LPGAT1: variants seen among roughly 807,000 people sequenced by gnomAD.
LPGAT1 encodes acyl-CoA:lysophosphatidylglycerol acyltransferase 1.
In LPGAT1, 11 loss-of-function variants were observed where a neutral mutation model predicts 47.5. That is an observed-to-expected ratio of 0.23 (90% CI 0.15 to 0.38). LPGAT1 has a LOEUF of 0.38. LPGAT1 is among the 10% of genes least tolerant of loss of function. The probability of loss-of-function intolerance (pLI) is 1.00; values close to 1 mark genes in which losing one functional copy is unlikely to be tolerated. For missense variants in LPGAT1, 293 were observed against 439.0 expected, an observed-to-expected ratio of 0.67 and a Z score of 2.97; for synonymous variants, 138 against 144.2, an observed-to-expected ratio of 0.96 and a Z score of 0.31.
intron 2 of LPGAT1, among the ~76,000 whole-genome samples, chr1:211,814,732 T>A (rs1660110526): frequency 6.6e-6 from 1 of 152,128 alleles, no homozygotes; most frequent in Non-Finnish European, 1.5e-5. Flanking sequence ...CCCTCCAGTA[T>A]CACCCTCTAC....
At position 211,793,087 on chromosome 1, in the gene LPGAT1, G is replaced by C; in HGVS notation, c.342C>G (p.Leu114=). Residue 114 remains leucine, a synonymous_variant, in exon 3 of 8, where the codon CTC becomes CTG. Coordinates refer to ENST00000366997, the MANE Select transcript of LPGAT1 (RefSeq NM_014873.3). ...GGTAGCTTACCAGTCCTTTGTCCTG[G>C]AGGCACATCATCAGTGTGCACACAT... is the stretch of plus-strand genomic sequence containing the variant. ...TGDVCTLMMC[L]QDKGLVVAQM... 6.3e-7 allele frequency: 1 copy of C among 1,594,192 alleles called. No homozygotes were observed. Among genetic ancestry groups the C allele is most frequent in the Middle Eastern group, 1.7e-4 (1 of 6,012 alleles).
chr1:211,803,294 G>T (rs948503999), intron 2 of LPGAT1, among the ~76,000 whole-genome samples: 3 of 152,138 alleles, frequency 2.0e-5, no homozygotes, highest in African/African-American at 7.2e-5. Context: ...AACCAAGAAA[G>T]AGAAAGACAT....
Position 211,747,466 on chromosome 1 carries a change from A to G in LPGAT1, c.*2433T>C, listed in dbSNP as rs1656988970. 1 of 152,246 alleles carries G rather than the reference A, an allele frequency of 6.6e-6. No homozygotes were observed. The highest frequency in any genetic ancestry group is 2.1e-4 in the South Asian group (1 of 4,836). The allele number at this position is 152,246 out of a possible 1,614,324, so 9.4% of individuals were successfully genotyped here. A position where few individuals can be genotyped will look rare whatever the true frequency, so the allele number is the denominator to read the frequency against. ...CATCTTATAGAATAGTTTAATGTGT[A>G]CAGTATATTTAACAATATCATGTTC... On this transcript the variant is annotated 3_prime_UTR_variant, in exon 8 of 8. Coordinates refer to ENST00000366997, the MANE Select transcript of LPGAT1 (RefSeq NM_014873.3).
rs58672865 is a variant in LPGAT1 at position 211,800,035 on chromosome 1, T to TTTATTATTATTA, written c.239-6857_239-6846dup. 8.0e-4 allele frequency among the ~76,000 whole-genome samples: 121 copies of TTTATTATTATTA among 150,968 alleles called. 1 individual carries two copies. Among genetic ancestry groups the TTTATTATTATTA allele is most frequent in the African/African-American group, 2.8e-3 (114 of 41,328 alleles). On this transcript the variant is annotated intron_variant, in intron 2 of 7. Transcript: ENST00000366997. ...TTTCTTCTTCTTACTACTACCATTCTTTATTATTATTATTATTGAGACAGA... is the reference window on the plus strand; with the variant it reads ...TTTCTTCTTCTTACTACTACCATTCTTTATTATTATTATTATTATTATTATTATTGAGACAGA...
chr1:211,795,702 A>G (rs1235911862), intron 2 of LPGAT1, among the ~76,000 whole-genome samples: 1 of 152,038 alleles, frequency 6.6e-6, no homozygotes, highest in Non-Finnish European at 1.5e-5. Context: ...GAATATACTA[A>G]CCAAATGAAA....
chr1:211,820,757 A>C (rs1660342943), intron 2 of LPGAT1, among the ~76,000 whole-genome samples: 1 of 152,142 alleles, frequency 6.6e-6, no homozygotes. Context: ...AAAAAGGAAA[A>C]CCAAAACAAT....
At chr1:211,795,338 T>C (rs1203979851) in intron 2 of LPGAT1, among the ~76,000 whole-genome samples, 1 of 152,160 alleles carries the variant, frequency 6.6e-6, no homozygotes, top group African/African-American at 2.4e-5. Context: ...AATAGGATGA[T>C]GGATGCCACT....
At chr1:211,770,533 C>G (rs377412369) in intron 6 of LPGAT1, among the ~76,000 whole-genome samples, 2 of 152,156 alleles carry the variant, frequency 1.3e-5, no homozygotes, top group African/African-American at 4.8e-5. Context: ...CAGTCAACGA[C>G]GGACTGCATA....
intron 1 of LPGAT1, chr1:211,829,901 AG>A (rs1660668292): frequency 1.0e-6 from 1 of 984,822 alleles, no homozygotes; most frequent in Non-Finnish European, 1.2e-6. Context: ...TGGGGGGCCT[AG>A]AAAAAAAGCT....
At chr1:211,805,294 A>G (rs1659712856) in intron 2 of LPGAT1, among the ~76,000 whole-genome samples, 1 of 152,178 alleles carries the variant, frequency 6.6e-6, no homozygotes, top group South Asian at 2.1e-4. Flanking sequence ...TTCCTGATAA[A>G]CCCATCGTAA....
chr1:211,775,411 C>T (rs1658353631), intron 6 of LPGAT1, among the ~76,000 whole-genome samples: 1 of 152,138 alleles, frequency 6.6e-6, no homozygotes, highest in South Asian at 2.1e-4. Context: ...GTAAGGAATG[C>T]TATTGCATAA....
chr1:211,830,639 G>A lies in LPGAT1; in HGVS notation c.-94C>T. ...GGAGCCGGAAGAATGCATGGCCGGC[G>A]GCGGGGCCGGCGGAAGAAGGCGGTG... On this transcript the variant is annotated 5_prime_UTR_variant, in exon 1 of 8. Coordinates refer to ENST00000366997, the MANE Select transcript of LPGAT1 (RefSeq NM_014873.3). The surrounding 1 kb of genome is among the most constrained non-coding windows in gnomAD (Gnocchi z 5.9). 1 of 1,203,640 alleles carries A rather than the reference G, an allele frequency of 8.3e-7. No homozygotes were observed. The highest frequency in any genetic ancestry group is 1.0e-6 in the Non-Finnish European group (1 of 969,690). The allele number at this position is 1,203,640 out of a possible 1,614,324, so 74.6% of individuals were successfully genotyped here. A position where few individuals can be genotyped will look rare whatever the true frequency, so the allele number is the denominator to read the frequency against.
rs553821170 is a variant in LPGAT1 at position 211,764,414 on chromosome 1, G to A, written c.855-13347C>T. Among the ~76,000 whole-genome samples the A allele has an allele frequency of 2.0e-5, 3 of 152,260 alleles. No homozygotes were observed. In the East Asian group the frequency reaches 5.8e-4, roughly 29 times the overall value. On this transcript the variant is annotated intron_variant, in intron 6 of 7. Coordinates refer to ENST00000366997, the MANE Select transcript of LPGAT1 (RefSeq NM_014873.3). ...CACAAAACTTTATGTGGTGTCATCT[G>A]TAGACAATCATCAATGTTCATGGAC...
At chr1:211,779,589 G>A (rs577158188) in intron 5 of LPGAT1, among the ~76,000 whole-genome samples, 3 of 152,238 alleles carry the variant, frequency 2.0e-5, no homozygotes, top group African/African-American at 7.2e-5. Context: ...AGTAGCTCAC[G>A]CCTATAATCC....
At chr1:211,780,639 C>T (rs1445702697) in intron 5 of LPGAT1, among the ~76,000 whole-genome samples, 1 of 152,024 alleles carries the variant, frequency 6.6e-6, no homozygotes, top group Non-Finnish European at 1.5e-5. Flanking sequence ...ACTTGTAAAA[C>T]AAGTAAAAAA....
intron 6 of LPGAT1, among the ~76,000 whole-genome samples, chr1:211,761,636 T>C (rs1657703145): frequency 6.6e-6 from 1 of 152,206 alleles, no homozygotes; most frequent in African/African-American, 2.4e-5. Context: ...TGTGAGCTAA[T>C]AAATTCCCTT....
chr1:211,780,886 TTATGTA>T (rs1228875874), intron 5 of LPGAT1, among the ~76,000 whole-genome samples: 1 of 151,652 alleles, frequency 6.6e-6, no homozygotes, highest in East Asian at 1.9e-4. Context: ...CTTTCAACTC[TTATGTA>T]TGTTTGAAAA....
intron 6 of LPGAT1, among the ~76,000 whole-genome samples, chr1:211,763,571 A>AT (rs199952138): frequency 2.4e-3 from 372 of 152,166 alleles, no homozygotes; most frequent in African/African-American, 8.5e-3. Flanking sequence ...TAGATATAGG[A>AT]TTTTTTTTAC....
rs1660699414 is a variant in LPGAT1 at position 211,830,494 on chromosome 1, C to G, written c.-28+79G>C. ...CCCCGGGCCACGCGACGACGACACC[C>G]CCTTCCCCGCCCCCAGCGCCTCCCC... is the stretch of plus-strand genomic sequence containing the variant. On this transcript the variant is annotated intron_variant, in intron 1 of 7. Coordinates refer to ENST00000366997, the MANE Select transcript of LPGAT1 (RefSeq NM_014873.3). The surrounding 1 kb of genome is among the most constrained non-coding windows in gnomAD (Gnocchi z 5.9). 8.4e-7 allele frequency: 1 copy of G among 1,193,684 alleles called. No individual in the cohort carries two copies. The highest frequency in any genetic ancestry group is 1.0e-6 in the Non-Finnish European group (1 of 962,150). The allele number at this position is 1,193,684 out of a possible 1,614,324, so 73.9% of individuals were successfully genotyped here.
Sources: gnomAD v4.1 joint callset for allele counts (sites outside exome capture counted in the v4.1 genomes callset) on GRCh38, gnomAD v4.1.1 for gene constraint, Gnocchi (gnomAD v3.1) non-coding constraint, MANE v1.5 for transcripts, NCBI Gene and HGNC (gene_info 2026-07-23, HGNC 2026-07-21) for gene names.